Variants in ITPR2 observed in about 807,000 individuals in gnomAD.
ITPR2 encodes inositol 1,4,5-trisphosphate receptor type 2.
ITPR2 carries 207 observed loss-of-function variants against 317.1 expected under a neutral mutation model. That is an observed-to-expected ratio of 0.65 (90% CI 0.58 to 0.73). ITPR2 has a LOEUF of 0.73. ITPR2 is among the 30% of genes least tolerant of loss of function. The pLI is 0.00. For synonymous variants in ITPR2, 1,156 were observed against 1,149.1 expected, an observed-to-expected ratio of 1.01 and a Z score of -0.12; for missense variants, 2,613 against 3,284.0, an observed-to-expected ratio of 0.80 and a Z score of 4.99.
At chr12:26,776,440 A>G (rs971425868) in intron 2 of ITPR2, among the ~76,000 whole-genome samples, 1 of 152,174 alleles carries the variant, frequency 6.6e-6, no homozygotes, top group Non-Finnish European at 1.5e-5. Flanking sequence ...CTGTAGAGAA[A>G]GAGCTGAAAT....
At chr12:26,380,813 T>C (rs1565496449) in intron 55 of ITPR2, among the ~76,000 whole-genome samples, 1 of 152,228 alleles carries the variant, frequency 6.6e-6, no homozygotes. Flanking sequence ...CTCAAAAATA[T>C]GTTTTAACTA....
rs371629342 is a variant in ITPR2, at chr12:26,778,348, CT to C, written c.163+11808del. Among the ~76,000 whole-genome samples, 1,220 of 152,188 alleles carry C rather than the reference CT, an allele frequency of 8.0e-3. 15 individuals carry two copies. The highest frequency in any genetic ancestry group is 0.028 in the African/African-American group (1,168 of 41,536). On this transcript the variant is annotated intron_variant, in intron 2 of 56. Coordinates refer to ENST00000381340, the MANE Select transcript of ITPR2 (RefSeq NM_002223.4). ...CACATCACATCCCCGTTCAACTCCC[CT>C]ATCTGGCCTGTGCAGAAGACAGATG... is the stretch of plus-strand genomic sequence containing the variant.
chr12:26,519,784 G>A (rs1246265134), intron 37 of ITPR2, among the ~76,000 whole-genome samples: 1 of 152,200 alleles, frequency 6.6e-6, no homozygotes, highest in African/African-American at 2.4e-5. Flanking sequence ...AAAACAGTAA[G>A]AGAATTTATT....
intron 1 of ITPR2, among the ~76,000 whole-genome samples, chr12:26,826,584 C>T (rs1034734306): frequency 7.2e-5 from 11 of 152,174 alleles, no homozygotes; most frequent in Admixed American, 2.0e-4. Context: ...GTCACTCTGA[C>T]TAAGAGACTA....
rs1159832531 is a variant in ITPR2 at position 26,622,354 on chromosome 12, T to C, written c.3174A>G (p.Leu1058=). 1 of 1,613,148 alleles carries C rather than the reference T, an allele frequency of 6.2e-7. No individual in the cohort carries two copies. Among genetic ancestry groups the C allele is most frequent in the African/African-American group, 1.3e-5 (1 of 74,846 alleles). The change falls in exon 25 of 57, where the codon TTA becomes TTG. Residue 1058 remains leucine, a synonymous_variant. Coordinates refer to ENST00000381340, the MANE Select transcript of ITPR2 (RefSeq NM_002223.4). ...GCATGATCAGATGAATGAGGACCCGTAAAAACGTCCTGCCTCCTTCATCGT... is the reference window on the plus strand; with the variant it reads ...GCATGATCAGATGAATGAGGACCCGCAAAAACGTCCTGCCTCCTTCATCGT... ...QLDDEGGRTF[L]RVLIHLIMHD...
At position 26,602,375 on chromosome 12, in the gene ITPR2, C is replaced by T; in HGVS notation, c.3673G>A (p.Glu1225Lys). 6.2e-7 allele frequency: 1 copy of T among 1,611,456 alleles called. No homozygotes were observed. Among genetic ancestry groups the T allele is most frequent in the Non-Finnish European group, 8.5e-7 (1 of 1,179,018 alleles). ...VVLDLLQIPYEKNDEKMNEVM... is the reference protein window; with the variant it reads ...VVLDLLQIPYKKNDEKMNEVM... Reference sequence around the variant, plus strand: ...AAAAAATAACCAGGACTAACCTTTTCATAGGGTATCTGCAGAAGATCCAAC... The same window carrying T: ...AAAAAATAACCAGGACTAACCTTTTTATAGGGTATCTGCAGAAGATCCAAC... The change falls in exon 28 of 57, where the codon GAA (glutamate) becomes AAA (lysine). Residue 1225 changes from glutamate (E) to lysine (K), a missense_variant. Transcript: ENST00000381340.
chr12:26,643,821 TGAGAA>T (rs1947047751), intron 21 of ITPR2, among the ~76,000 whole-genome samples: 1 of 151,974 alleles, frequency 6.6e-6, no homozygotes, highest in African/African-American at 2.4e-5. Context: ...CAGTAAAATA[TGAGAA>T]AAGAGAAATG....
chr12:26,777,547 C>T (rs1949996099), intron 2 of ITPR2, among the ~76,000 whole-genome samples: 1 of 152,220 alleles, frequency 6.6e-6, no homozygotes, highest in Non-Finnish European at 1.5e-5. Context: ...GGCAAAGCAA[C>T]CATCAGAATA....
At chr12:26,734,818 T>C (rs983595686) in intron 2 of ITPR2, among the ~76,000 whole-genome samples, 1 of 152,128 alleles carries the variant, frequency 6.6e-6, no homozygotes, top group Non-Finnish European at 1.5e-5. Context: ...TTATTCATAA[T>C]AACAAAAAGA....
intron 2 of ITPR2, among the ~76,000 whole-genome samples, chr12:26,742,703 A>C (rs945639133): frequency 6.6e-6 from 1 of 151,852 alleles, no homozygotes; most frequent in Non-Finnish European, 1.5e-5. Context: ...AATCCCAGCT[A>C]CTCAGGAGGC....
At chr12:26,391,353 G>A (rs1939828577) in intron 54 of ITPR2, among the ~76,000 whole-genome samples, 1 of 151,868 alleles carries the variant, frequency 6.6e-6, no homozygotes, top group Non-Finnish European at 1.5e-5. Flanking sequence ...TTGCCATCTG[G>A]GCAGGAAAAA....
At chr12:26,628,993 C>A (rs977955364) in intron 22 of ITPR2, among the ~76,000 whole-genome samples, 1 of 152,150 alleles carries the variant, frequency 6.6e-6, no homozygotes, top group Non-Finnish European at 1.5e-5. Flanking sequence ...CCCTGTTTAA[C>A]CTTTTGTTTC....
intron 2 of ITPR2, among the ~76,000 whole-genome samples, chr12:26,746,788 AG>A (rs888376096): frequency 2.1e-4 from 32 of 151,784 alleles, no homozygotes; most frequent in Non-Finnish European, 2.9e-5. Flanking sequence ...TTCTTTCCAA[AG>A]AGCACAAGTG....
intron 2 of ITPR2, among the ~76,000 whole-genome samples, chr12:26,739,905 C>T (rs529115855): frequency 1.3e-5 from 2 of 152,246 alleles, no homozygotes; most frequent in South Asian, 2.1e-4. Flanking sequence ...AAAAGATAAA[C>T]TTTAAAGACA....
chr12:26,563,931 T>C (rs1944883797), intron 34 of ITPR2, among the ~76,000 whole-genome samples: 1 of 152,108 alleles, frequency 6.6e-6, no homozygotes, highest in South Asian at 2.1e-4. Flanking sequence ...ACCAATACCA[T>C]TAAGAATAAC....
At chr12:26,488,526 T>G (rs1313429394) in intron 39 of ITPR2, among the ~76,000 whole-genome samples, 1 of 152,128 alleles carries the variant, frequency 6.6e-6, no homozygotes, top group African/African-American at 2.4e-5. Flanking sequence ...TATGAAGCCT[T>G]AGATGTCAGC....
At chr12:26,492,395 GC>G (rs892524975) in intron 39 of ITPR2, among the ~76,000 whole-genome samples, 5 of 151,308 alleles carry the variant, frequency 3.3e-5, no homozygotes, top group African/African-American at 1.2e-4. Context: ...ACCCTTAGTG[GC>G]CTAGAAACAG....
At chr12:26,446,302 T>C (rs965272783) in intron 45 of ITPR2, among the ~76,000 whole-genome samples, 1 of 152,104 alleles carries the variant, frequency 6.6e-6, no homozygotes, top group Non-Finnish European at 1.5e-5. Context: ...TATTCAGCTG[T>C]ATGGGTATAC....
intron 2 of ITPR2, among the ~76,000 whole-genome samples, chr12:26,781,270 C>T (rs1950071731): frequency 6.6e-6 from 1 of 152,158 alleles, no homozygotes; most frequent in Non-Finnish European, 1.5e-5. Flanking sequence ...GTCATTAGTA[C>T]CAGCTATGAC....
Sources: gnomAD v4.1 joint callset for allele counts (sites outside exome capture counted in the v4.1 genomes callset) on GRCh38, gnomAD v4.1.1 for gene constraint, MANE v1.5 for transcripts, NCBI Gene and HGNC (gene_info 2026-07-23, HGNC 2026-07-21) for gene names.